Variants in PLCL2 observed in about 807,000 individuals in gnomAD.
PLCL2 encodes the protein inactive phospholipase C-like protein 2.
Under a neutral mutation model 79.6 loss-of-function variants are expected in PLCL2, and 4 were observed. The observed-to-expected ratio is 0.05, with a 90% confidence interval of 0.02 to 0.11. The LOEUF is 0.11. PLCL2 is among the 10% of genes least tolerant of loss of function. PLCL2 has a pLI of 1.00. For missense variants in PLCL2, 895 were observed against 1,291.0 expected (o/e 0.69, Z 4.70); for synonymous variants, 484 against 457.7 (o/e 1.06, Z -0.73).
intron 1 of PLCL2, among the ~76,000 whole-genome samples, chr3:16,992,403 AACTGCCCTCCACAGTGCTCACCAC>A (rs1352869471): frequency 6.6e-6 from 1 of 152,176 alleles, no homozygotes; most frequent in Non-Finnish European, 1.5e-5. Flanking sequence ...GGGAACCACT[AACTGCCCTCCACAGTGCTCACCAC>A]ACCTCCGTTA....
chr3:16,945,289 G>A (rs954287053), intron 1 of PLCL2, among the ~76,000 whole-genome samples: 2 of 151,726 alleles, frequency 1.3e-5, no homozygotes, highest in African/African-American at 2.4e-5. Flanking sequence ...CACAGCACTT[G>A]TCTTCTCTTT....
At chr3:17,067,750 G>C (rs2065023998) in intron 4 of PLCL2, among the ~76,000 whole-genome samples, 1 of 152,144 alleles carries the variant, frequency 6.6e-6, no homozygotes, top group Non-Finnish European at 1.5e-5. Flanking sequence ...AGGAACAATT[G>C]CTGACTTCGA....
In PLCL2 at chr3:16,988,380, A is replaced by T. The variant is rs117384287; in HGVS notation, c.328-21294A>T. On this transcript the variant is annotated intron_variant, in intron 1 of 5. Coordinates refer to ENST00000615277, the MANE Select transcript of PLCL2 (RefSeq NM_001144382.2). ...TTAGTGCTAGTTGACTTTTCCTTAG[A>T]AATTCATTTCACAGTCTTAGTGAAG... Among the ~76,000 whole-genome samples, 789 of 152,246 alleles carry T rather than the reference A, an allele frequency of 5.2e-3. 24 individuals carry two copies. The highest frequency in any genetic ancestry group is 0.038 in the Admixed American group (581 of 15,278).
chr3:17,067,394 T>C (rs1009526947), intron 4 of PLCL2, among the ~76,000 whole-genome samples: 3 of 152,154 alleles, frequency 2.0e-5, no homozygotes, highest in Non-Finnish European at 2.9e-5. Flanking sequence ...TGAACAGCAG[T>C]AGGGATTATT....
Position 16,942,260 on chromosome 3 carries a change from G to A in PLCL2, c.327+56894G>A, listed in dbSNP as rs185255234. On this transcript the variant is annotated intron_variant, in intron 1 of 5. Coordinates refer to ENST00000615277, the MANE Select transcript of PLCL2 (RefSeq NM_001144382.2). ...TTGTTCTCTTTTGTCAAATGTGTATGTGCAGATTCTGCAATTACATAGGCG... is the reference window on the plus strand; with the variant it reads ...TTGTTCTCTTTTGTCAAATGTGTATATGCAGATTCTGCAATTACATAGGCG... Among the ~76,000 whole-genome samples, 243 of 152,310 alleles carry A rather than the reference G, an allele frequency of 1.6e-3. 1 individual carries two copies. The highest frequency in any genetic ancestry group is 4.2e-3 in the Admixed American group (65 of 15,298).
chr3:16,907,098 T>C (rs931149780), intron 1 of PLCL2, among the ~76,000 whole-genome samples: 3 of 152,246 alleles, frequency 2.0e-5, no homozygotes, highest in Non-Finnish European at 4.4e-5. Flanking sequence ...TAGTGTCTTA[T>C]CATCCTCCTT....
At chr3:16,907,469 G>T (rs557570030) in intron 1 of PLCL2, among the ~76,000 whole-genome samples, 10 of 152,268 alleles carry the variant, frequency 6.6e-5, no homozygotes, top group African/African-American at 2.4e-4. Context: ...GATGCTTGGA[G>T]CACCTACCAC....
chr3:17,040,590 G>GC (rs200595235), intron 3 of PLCL2, among the ~76,000 whole-genome samples: 2,235 of 152,286 alleles, frequency 0.015, 19 homozygotes, highest in Non-Finnish European at 0.021. Context: ...GCTGCCGCTT[G>GC]CAAGTGTCTT....
intron 1 of PLCL2, among the ~76,000 whole-genome samples, chr3:17,003,640 C>T (rs2064231748): frequency 6.6e-6 from 1 of 152,156 alleles, no homozygotes; most frequent in Non-Finnish European, 1.5e-5. Context: ...AATGGGCCTT[C>T]TCACCTGTCC....
chr3:16,922,510 G>A (rs13067718), intron 1 of PLCL2, among the ~76,000 whole-genome samples: 1 of 152,044 alleles, frequency 6.6e-6, no homozygotes, highest in Non-Finnish European at 1.5e-5. Context: ...GTATGCATTT[G>A]TACTCTTCCT....
chr3:16,932,669 G>C (rs972159899), intron 1 of PLCL2, among the ~76,000 whole-genome samples: 15 of 152,108 alleles, frequency 9.9e-5, no homozygotes, highest in Non-Finnish European at 1.2e-4. Context: ...GATAATGCAC[G>C]GTAGCTGATC....
chr3:17,080,813 CT>C (rs2065155625), intron 5 of PLCL2, among the ~76,000 whole-genome samples: 1 of 152,358 alleles, frequency 6.6e-6, no homozygotes, highest in South Asian at 2.1e-4. Context: ...ATTTCTGTTT[CT>C]GCTTTTAATC....
chr3:17,004,736 C>A (rs2064244220), intron 1 of PLCL2, among the ~76,000 whole-genome samples: 1 of 151,998 alleles, frequency 6.6e-6, no homozygotes, highest in Non-Finnish European at 1.5e-5. Flanking sequence ...AAAGGTCAGG[C>A]CTTGCTGTGC....
chr3:17,051,264 C>T (rs1248611839), intron 4 of PLCL2, among the ~76,000 whole-genome samples: 1 of 151,988 alleles, frequency 6.6e-6, no homozygotes, highest in Non-Finnish European at 1.5e-5. Flanking sequence ...GTGCTGTAGT[C>T]ATTAATAATT....
chr3:16,910,724 C>T (rs969726680), intron 1 of PLCL2, among the ~76,000 whole-genome samples: 1 of 152,078 alleles, frequency 6.6e-6, no homozygotes, highest in African/African-American at 2.4e-5. Context: ...CTATATCCTA[C>T]TAGATCTTTC....
chr3:17,038,017 C>T (rs546147064), intron 3 of PLCL2, among the ~76,000 whole-genome samples: 106 of 152,030 alleles, frequency 7.0e-4, no homozygotes, highest in African/African-American at 2.2e-4. Flanking sequence ...CATAGCACTC[C>T]GATAAAAGGC....
chr3:16,957,598 C>A (rs2063718209), intron 1 of PLCL2, among the ~76,000 whole-genome samples: 1 of 152,064 alleles, frequency 6.6e-6, no homozygotes, highest in Admixed American at 6.5e-5. Context: ...AACTTTCTGT[C>A]TCGTTGATCT....
intron 3 of PLCL2, among the ~76,000 whole-genome samples, chr3:17,032,880 C>G (rs1377110290): frequency 6.6e-6 from 1 of 152,118 alleles, no homozygotes; most frequent in East Asian, 1.9e-4. Flanking sequence ...AGAAACTGCA[C>G]TTAAAGTTTA....
intron 3 of PLCL2, among the ~76,000 whole-genome samples, chr3:17,034,883 G>A (rs1201620908): frequency 7.0e-5 from 10 of 142,058 alleles, no homozygotes; most frequent in Admixed American, 4.3e-4. Context: ...GACCAGATCC[G>A]CAGCTTCCAA....
Sources: allele counts gnomAD v4.1 joint callset (sites outside exome capture counted in the v4.1 genomes callset), GRCh38; gene constraint gnomAD v4.1.1; transcripts MANE v1.5; gene names NCBI Gene and HGNC (gene_info 2026-07-23, HGNC 2026-07-21).